SPG11: variants seen among roughly 807,000 people sequenced by gnomAD.
SPG11 encodes the protein SPG11 vesicle trafficking associated, spatacsin.
A neutral mutation model predicts 274.0 loss-of-function variants in SPG11; 222 were observed. The observed-to-expected ratio is 0.81, with a 90% CI of 0.73 to 0.91. The LOEUF is 0.91. Ranked by LOEUF, SPG11 falls within the 40% of genes least tolerant of loss-of-function variation. SPG11 has a pLI of 0.00. For missense variants in SPG11, 3,114 were observed against 2,872.7 expected (o/e 1.08, Z -1.92); for synonymous variants, 1,144 against 1,039.7 (o/e 1.10, Z -1.93).
chr15:44,626,005 G>A (rs1406589404), intron 11 of SPG11, among the ~76,000 whole-genome samples: 1 of 152,028 alleles, frequency 6.6e-6, no homozygotes, highest in African/African-American at 2.4e-5. Context: ...AGCAATATGA[G>A]AATGGACTAA....
intron 20 of SPG11, among the ~76,000 whole-genome samples, chr15:44,603,153 C>A (rs1302610970): frequency 6.6e-6 from 1 of 151,078 alleles, no homozygotes; most frequent in African/African-American, 2.4e-5. Flanking sequence ...TTCCTTAACT[C>A]AAGCAATCCT....
At chr15:44,595,743 C>A (rs1159188030) in intron 25 of SPG11, among the ~76,000 whole-genome samples, 2 of 152,182 alleles carry the variant, frequency 1.3e-5, no homozygotes, top group Admixed American at 6.5e-5. Context: ...CTCCACTGAT[C>A]TGCTGATTAA....
chr15:44,574,087 G>A (rs1108020), intron 31 of SPG11, among the ~76,000 whole-genome samples: 3,830 of 152,244 alleles, frequency 0.025, 90 homozygotes, highest in South Asian at 0.069. Flanking sequence ...CACCACAACC[G>A]CTGCCTACTG....
chr15:44,596,963 T>A lies in SPG11; in HGVS notation c.4002-20A>T. The stretch of plus-strand genomic sequence containing the variant: ...GATAACCTATAATCAGAATTAGAGG[T>A]GGGGGTGGTCAAGAAAAAACAAAAA... On this transcript the variant is annotated intron_variant, in intron 23 of 39. Transcript: ENST00000261866. 6.2e-7 allele frequency: 1 copy of A among 1,613,218 alleles called. No individual in the cohort carries two copies. The highest frequency in any genetic ancestry group is 1.1e-5 in the South Asian group (1 of 91,020).
In SPG11 at chr15:44,628,748, T is replaced by C. The variant is rs1369245036; in HGVS notation, c.1988A>G (p.Asp663Gly). Reference sequence around the variant, plus strand: ...ATGTACATCATATTCATCTATAGCATCTGTTAGCTTCCAAGGAAACTTTAT... The same window carrying C: ...ATGTACATCATATTCATCTATAGCACCTGTTAGCTTCCAAGGAAACTTTAT... The part of the protein sequence containing the change: ...FMIKFPWKLT[D>G]AIDEYDVHEN... Residue 663 changes from aspartate to glycine, a missense_variant, in exon 10 of 40, where the codon GAT becomes GGT. Coordinates refer to ENST00000261866, the MANE Select transcript of SPG11 (RefSeq NM_025137.4). 7 of 1,613,578 alleles carry C rather than the reference T, an allele frequency of 4.3e-6. No homozygotes were observed. The Admixed American group carries it at 8.3e-5, about 19-fold the overall frequency.
chr15:44,657,099 A>T lies in SPG11; in HGVS notation c.865T>A (p.Phe289Ile), dbSNP rs1316470185. 15 of 1,613,742 alleles carry T rather than the reference A, an allele frequency of 9.3e-6. No homozygotes were observed. Among genetic ancestry groups the T allele is most frequent in the Non-Finnish European group, 1.3e-5 (15 of 1,179,836 alleles). The change falls in exon 4 of 40, where the codon TTC (phenylalanine) becomes ATC (isoleucine). Residue 289 changes from phenylalanine to isoleucine, a missense_variant. Coordinates refer to ENST00000261866, the MANE Select transcript of SPG11 (RefSeq NM_025137.4). ...SAVALNLNLYFRQHPGHLLCE... is the reference protein window; with the variant it reads ...SAVALNLNLYIRQHPGHLLCE... ...AAACTGCAGTCATCTACATACCTGA[A>T]ATACAAATTTAAGTTAAGAGCAACT...
intron 28 of SPG11, chr15:44,588,756 T>C: frequency 3.0e-6 from 1 of 334,172 alleles, no homozygotes; most frequent in South Asian, 2.4e-5. Flanking sequence ...ACATAATTGC[T>C]CTCTACTCAG....
intron 28 of SPG11, 62 bp downstream of exon 28, chr15:44,589,185 CTAAAG>C: frequency 6.4e-7 from 1 of 1,554,266 alleles, no homozygotes; most frequent in Non-Finnish European, 8.8e-7. Context: ...AACTACCCCT[CTAAAG>C]TATTTTCAAG....
intron 7 of SPG11, among the ~76,000 whole-genome samples, chr15:44,646,814 G>T (rs1365333024): frequency 6.6e-6 from 1 of 152,034 alleles, no homozygotes; most frequent in East Asian, 1.9e-4. Context: ...ACAGACACTG[G>T]GGCTTACTTG....
chr15:44,606,715 G>A (rs2083329401), intron 19 of SPG11, among the ~76,000 whole-genome samples: 1 of 152,150 alleles, frequency 6.6e-6, no homozygotes, highest in African/African-American at 2.4e-5. Flanking sequence ...AAAAAGTCAG[G>A]ATTTGGATGG....
At chr15:44,630,832 C>T (rs1194438414) in intron 8 of SPG11, among the ~76,000 whole-genome samples, 1 of 152,148 alleles carries the variant, frequency 6.6e-6, no homozygotes, top group African/African-American at 2.4e-5. Context: ...CCCATCTCGG[C>T]CTCCCAAAGT....
In SPG11 at chr15:44,633,324, CAAAAAAAAAAAAAAAAAAAAAAAA is replaced by C. The variant is rs531787427; in HGVS notation, c.1735+157_1735+180del. 188 of 108,828 alleles carry C rather than the reference CAAAAAAAAAAAAAAAAAAAAAAAA, an allele frequency of 1.7e-3. 1 individual carries two copies. The highest frequency in any genetic ancestry group is 3.4e-3 in the Middle Eastern group (1 of 290). 6.7% of individuals were successfully genotyped at this position (108,828 alleles called of 1,614,324 possible). A position where few individuals can be genotyped will look rare whatever the true frequency, so the allele number is the denominator to read the frequency against. Reference sequence around the variant, plus strand: ...TAGGCAACAGAGTGAGACTCTGTCTCAAAAAAAAAAAAAAAAAAAAAAAAAAAAAAAAAAAAAAGAAAGTTTCCA... The same window carrying C: ...TAGGCAACAGAGTGAGACTCTGTCTCAAAAAAAAAAAAAAGAAAGTTTCCA... On this transcript the variant is annotated intron_variant, in intron 8 of 39. Transcript: ENST00000261866.
Position 44,596,332 on chromosome 15 carries a change from G to A in SPG11, c.4185C>T (p.Phe1395=), listed in dbSNP as rs138850981. ...PAEVKSLIQY[F]SPVIQDHLRL... ...TTAAGTGGTCTTGAATGACTGGGCT[G>A]AAGTACTGGATAAGGGATTTCACCT... is the stretch of plus-strand genomic sequence containing the variant. Residue 1395 remains phenylalanine (F), a synonymous_variant, in exon 25 of 40, where the codon TTC becomes TTT. Transcript: ENST00000261866. 1 of 1,614,180 alleles carries A rather than the reference G, an allele frequency of 6.2e-7. No individual in the cohort carries two copies. The highest frequency in any genetic ancestry group is 8.5e-7 in the Non-Finnish European group (1 of 1,180,030).
rs370892751 is a variant in SPG11, at chr15:44,580,580, C to T, written c.5866+3234G>A. Among the ~76,000 whole-genome samples the T allele has an allele frequency of 2.9e-4, 44 of 152,308 alleles. 2 individuals are homozygous for T. In the East Asian group the frequency reaches 6.6e-3, roughly 23 times the overall value. On this transcript the variant is annotated intron_variant, in intron 30 of 39. Transcript: ENST00000261866. ...GATCACGAGGTCAAGAGATCGAGGC[C>T]ATCCTGGCCAACATGGTGAAACCTT...
intron 30 of SPG11, among the ~76,000 whole-genome samples, chr15:44,576,251 C>G (rs1409218826): frequency 6.7e-6 from 1 of 148,504 alleles, no homozygotes; most frequent in Non-Finnish European, 1.5e-5. Flanking sequence ...TTATATCACA[C>G]TTTGTAATGG....
intron 7 of SPG11, among the ~76,000 whole-genome samples, chr15:44,640,239 T>C (rs999187947): frequency 6.6e-6 from 1 of 151,800 alleles, no homozygotes; most frequent in South Asian, 2.1e-4. Flanking sequence ...ACACTTAGAA[T>C]GAACAATAAA....
At chr15:44,641,048 TCAGA>T (rs745967244) in intron 7 of SPG11, among the ~76,000 whole-genome samples, 1 of 152,196 alleles carries the variant, frequency 6.6e-6, no homozygotes, top group Non-Finnish European at 1.5e-5. Context: ...AAAAAAGTGC[TCAGA>T]CAAATGGTTA....
intron 27 of SPG11, among the ~76,000 whole-genome samples, chr15:44,591,225 A>G (rs1022043301): frequency 6.6e-6 from 1 of 152,258 alleles, no homozygotes; most frequent in Non-Finnish European, 1.5e-5. Flanking sequence ...GAACACTGGT[A>G]GTCAGCTCAC....
intron 31 of SPG11, 36 bp from the exon 32 acceptor site, chr15:44,573,781 A>G: frequency 1.2e-6 from 2 of 1,609,850 alleles, no homozygotes; most frequent in Non-Finnish European, 1.7e-6. Flanking sequence ...GGCCACTTTT[A>G]GAAGCCAGGA....
Sources: allele counts gnomAD v4.1 joint callset (sites outside exome capture counted in the v4.1 genomes callset), GRCh38; gene constraint gnomAD v4.1.1; transcripts MANE v1.5; gene names NCBI Gene and HGNC (gene_info 2026-07-23, HGNC 2026-07-21).